Variants in SMYD1 observed in about 807,000 individuals in gnomAD.
SMYD1 encodes histone-lysine N-methyltransferase SMYD1.
Under a neutral mutation model 54.0 loss-of-function variants are expected in SMYD1, and 49 were observed. The ratio of observed to expected loss-of-function variants is 0.91; its 90% CI spans 0.72 to 1.15. The LOEUF (loss-of-function observed/expected upper bound fraction) is 1.15, where lower values mean the gene tolerates loss of function less well. Ranked by LOEUF, SMYD1 falls within the 50% of genes most tolerant of loss-of-function variation. SMYD1 has a pLI of 0.00. For synonymous variants in SMYD1, 269 were observed against 234.2 expected (o/e 1.15, Z -1.36); for missense variants, 653 against 639.6 (o/e 1.02, Z -0.23).
At chr2:88,081,193 G>A (rs938130087) in intron 1 of SMYD1, among the ~76,000 whole-genome samples, 7 of 151,992 alleles carry the variant, frequency 4.6e-5, no homozygotes, top group Admixed American at 1.3e-4. Context: ...GTGAGCCACC[G>A]CGCCTGGCCT....
At chr2:88,089,798 C>A (rs947739730) in intron 3 of SMYD1, among the ~76,000 whole-genome samples, 7 of 151,646 alleles carry the variant, frequency 4.6e-5, no homozygotes, top group African/African-American at 1.7e-4. Flanking sequence ...CACCATATTG[C>A]CCAGGCTGAT....
chr2:88,097,002 C>A (rs1205821893), intron 6 of SMYD1, among the ~76,000 whole-genome samples: 1 of 152,162 alleles, frequency 6.6e-6, no homozygotes, highest in Admixed American at 6.5e-5. Context: ...GGGGAAGTCA[C>A]CCAGTTTTCT....
intron 8 of SMYD1, among the ~76,000 whole-genome samples, chr2:88,107,388 T>TG (rs150779335): frequency 0.032 from 4,915 of 152,292 alleles, 279 homozygotes; most frequent in African/African-American, 0.11. Flanking sequence ...AAGGAAGCCC[T>TG]GCAAAAGGGT....
At chr2:88,103,734 A>G (rs1674782784) in intron 7 of SMYD1, among the ~76,000 whole-genome samples, 4 of 152,068 alleles carry the variant, frequency 2.6e-5, no homozygotes, top group Admixed American at 2.0e-4. Context: ...CAAAGCCGAG[A>G]CCCACTGCCA....
intron 9 of SMYD1, among the ~76,000 whole-genome samples, chr2:88,108,995 C>T (rs994652125): frequency 2.6e-5 from 4 of 152,260 alleles, no homozygotes; most frequent in Middle Eastern, 3.4e-3. Context: ...AAGCAATTCA[C>T]GAGGGATCTG....
chr2:88,110,238 CT>C (rs1472944482), intron 9 of SMYD1, 115 bp from the exon 10 acceptor site: 1 of 493,000 alleles, frequency 2.0e-6, no homozygotes, highest in Non-Finnish European at 3.2e-6. Context: ...TGTGTGTATT[CT>C]GAGGGGGTAG....
chr2:88,095,016 A>G (rs1674547972), intron 5 of SMYD1, among the ~76,000 whole-genome samples: 1 of 152,202 alleles, frequency 6.6e-6, no homozygotes, highest in Non-Finnish European at 1.5e-5. Flanking sequence ...CAAGGCTACT[A>G]TGTTGAGGAC....
intron 9 of SMYD1, 118 bp downstream of exon 9, chr2:88,108,657 G>A (rs1328425828): frequency 2.9e-6 from 3 of 1,037,298 alleles, no homozygotes; most frequent in African/African-American, 3.3e-5. Context: ...TAGACAAAAG[G>A]GAACTCAGAA....
At chr2:88,100,587 T>C (rs1335042704) in intron 6 of SMYD1, among the ~76,000 whole-genome samples, 1 of 152,214 alleles carries the variant, frequency 6.6e-6, no homozygotes, top group Non-Finnish European at 1.5e-5. Context: ...GGCACACCTC[T>C]GGTCCACCAG....
At chr2:88,075,531 ATTCT>A (rs1674041241) in intron 1 of SMYD1, among the ~76,000 whole-genome samples, 2 of 139,678 alleles carry the variant, frequency 1.4e-5, no homozygotes, top group South Asian at 4.8e-4. Flanking sequence ...GTACCTTTTA[ATTCT>A]TTTTTTTTTT....
At chr2:88,075,863 G>T (rs148964759) in intron 1 of SMYD1, among the ~76,000 whole-genome samples, 1 of 152,114 alleles carries the variant, frequency 6.6e-6, no homozygotes, top group Admixed American at 6.5e-5. Context: ...CTTATGTCAA[G>T]GTATTTAATA....
chr2:88,102,395 C>T (rs1319908467), intron 6 of SMYD1, among the ~76,000 whole-genome samples: 1 of 151,976 alleles, frequency 6.6e-6, no homozygotes, highest in East Asian at 1.9e-4. Context: ...CACTAGGCTG[C>T]TTAGGCAAAT....
chr2:88,106,321 C>T lies in SMYD1; in HGVS notation c.982-4C>T. Reference sequence around the variant, plus strand: ...TAATGGGCAGGGCCTCTGTCTCACTCTAGGTTGTGAAATTATGCCGGGAGT... The same window carrying T: ...TAATGGGCAGGGCCTCTGTCTCACTTTAGGTTGTGAAATTATGCCGGGAGT... On this transcript the variant is annotated splice_region_variant and splice_polypyrimidine_tract_variant and intron_variant, in intron 7 of 9. Transcript: ENST00000419482. The T allele has an allele frequency of 6.2e-7, 1 of 1,614,040 alleles. No individual in the cohort carries two copies. The highest frequency in any genetic ancestry group is 8.5e-7 in the Non-Finnish European group (1 of 1,179,984).
chr2:88,076,519 C>A (rs4972172), intron 1 of SMYD1, among the ~76,000 whole-genome samples: 5 of 152,090 alleles, frequency 3.3e-5, no homozygotes, highest in South Asian at 2.1e-4. Context: ...CACCGCGCCC[C>A]GCCTTCCTTT....
chr2:88,107,991 T>C (rs1674921552), intron 8 of SMYD1, among the ~76,000 whole-genome samples: 1 of 152,256 alleles, frequency 6.6e-6, no homozygotes, highest in South Asian at 2.1e-4. Context: ...ATTAACCTGG[T>C]ACCTCAGTTG....
intron 1 of SMYD1, among the ~76,000 whole-genome samples, chr2:88,081,317 A>G (rs10174932): frequency 0.059 from 9,031 of 152,236 alleles, 870 homozygotes; most frequent in African/African-American, 0.2. Context: ...ACCTCCATAA[A>G]GATGTCTAGA....
intron 6 of SMYD1, among the ~76,000 whole-genome samples, chr2:88,097,216 A>G (rs190568799): frequency 9.8e-5 from 15 of 152,296 alleles, no homozygotes; most frequent in African/African-American, 3.1e-4. Context: ...GTTATCAAAA[A>G]GATATTCCTA....
At chr2:88,093,686 C>A in intron 5 of SMYD1, 131 bp downstream of exon 5, 1 of 984,644 alleles carries the variant, frequency 1.0e-6, no homozygotes, top group South Asian at 1.3e-5. Flanking sequence ...ATCCCAGTGT[C>A]TCATCTTTTT....
intron 1 of SMYD1, among the ~76,000 whole-genome samples, chr2:88,072,867 T>A (rs1673979628): frequency 6.6e-6 from 1 of 152,250 alleles, no homozygotes; most frequent in Non-Finnish European, 1.5e-5. Context: ...AGTATTCTTT[T>A]TGTTGACTTG....
Sources: allele counts gnomAD v4.1 joint callset (sites outside exome capture counted in the v4.1 genomes callset), GRCh38; gene constraint gnomAD v4.1.1; transcripts MANE v1.5; gene names NCBI Gene and HGNC (gene_info 2026-07-23, HGNC 2026-07-21).